PCDH15: variants seen among roughly 807,000 people sequenced by gnomAD.
PCDH15 encodes the protein protocadherin related 15.
A neutral mutation model predicts 178.5 loss-of-function variants in PCDH15; 129 were observed. That is an observed-to-expected ratio of 0.72 (90% confidence interval 0.63 to 0.84). PCDH15 has a LOEUF of 0.84. Ranked by LOEUF, PCDH15 falls within the 40% of genes least tolerant of loss-of-function variation. The pLI, the probability that PCDH15 is intolerant of heterozygous loss-of-function variation, is 0.00. For missense variants in PCDH15, 2,230 were observed against 2,099.9 expected (o/e 1.06, Z -1.21); for synonymous variants, 800 against 732.0 (o/e 1.09, Z -1.50).
intron 28 of PCDH15, among the ~76,000 whole-genome samples, chr10:53,854,465 C>T (rs548930241): frequency 3.3e-5 from 5 of 152,014 alleles, no homozygotes; most frequent in African/African-American, 7.2e-5. Context: ...TTAATAAACT[C>T]GCAGATTTAT....
At chr10:54,736,501 C>T (rs1944142076) in intron 1 of PCDH15, among the ~76,000 whole-genome samples, 1 of 148,242 alleles carries the variant, frequency 6.7e-6, no homozygotes, top group South Asian at 2.1e-4. Flanking sequence ...TGTTGTTGTA[C>T]TTATCTTCTT....
chr10:55,607,058 A>G (rs1481380932), intron 2 of PCDH15, among the ~76,000 whole-genome samples: 2 of 152,144 alleles, frequency 1.3e-5, no homozygotes, highest in Admixed American at 1.3e-4. Flanking sequence ...CAAGAAAAAA[A>G]CAAACAACCC....
At chr10:54,266,757 T>C (rs1030213732) in intron 8 of PCDH15, among the ~76,000 whole-genome samples, 18 of 151,696 alleles carry the variant, frequency 1.2e-4, no homozygotes, top group African/African-American at 4.4e-4. Flanking sequence ...CAGGAAGAAC[T>C]TGAAACACTG....
intron 2 of PCDH15, among the ~76,000 whole-genome samples, chr10:55,450,501 C>T (rs536289935): frequency 6.0e-4 from 92 of 152,240 alleles, no homozygotes; most frequent in African/African-American, 2.0e-3. Context: ...GAGCCCTCTC[C>T]GGCATTTACC....
chr10:55,521,425 ATTTT>A (rs557290148), intron 2 of PCDH15, among the ~76,000 whole-genome samples: 1 of 151,428 alleles, frequency 6.6e-6, no homozygotes, highest in Non-Finnish European at 1.5e-5. Flanking sequence ...TCACATTACG[ATTTT>A]TTTTTGTTTT....
At chr10:54,737,453 G>C (rs1023664869) in intron 1 of PCDH15, among the ~76,000 whole-genome samples, 12 of 152,074 alleles carry the variant, frequency 7.9e-5, no homozygotes, top group African/African-American at 2.9e-4. Context: ...TCACAATATA[G>C]GTGAGCAATC....
At chr10:55,038,665 G>A (rs574003906) in intron 2 of PCDH15, among the ~76,000 whole-genome samples, 109 of 152,310 alleles carry the variant, frequency 7.2e-4, no homozygotes, top group African/African-American at 2.4e-3. Flanking sequence ...GCAGTTGTGG[G>A]ACGGGGACTC....
intron 2 of PCDH15, among the ~76,000 whole-genome samples, chr10:55,439,242 A>G (rs1215429247): frequency 6.6e-6 from 1 of 152,182 alleles, no homozygotes. Flanking sequence ...AAAATGAGAC[A>G]TGAGTCAGAA....
At chr10:53,813,202 G>A (rs1311520636) in intron 35 of PCDH15, among the ~76,000 whole-genome samples, 3 of 152,000 alleles carry the variant, frequency 2.0e-5, no homozygotes, top group Non-Finnish European at 2.9e-5. Flanking sequence ...TATCCCCAAC[G>A]ACACTTTTCT....
In PCDH15 at chr10:54,774,311, A is replaced by T. The variant is rs577921314; in HGVS notation, c.-29+26614T>A. On this transcript the variant is annotated intron_variant, in intron 1 of 37. Transcript: ENST00000644397. The stretch of plus-strand genomic sequence containing the variant: ...CCAAAGTGCTGCGATTACAGGCTTG[A>T]GCCACTGCGCCCAGCCACTTCATAG... Among the ~76,000 whole-genome samples the T allele has an allele frequency of 8.0e-4, 121 of 152,170 alleles. 2 individuals are homozygous for T. The highest frequency in any genetic ancestry group is 2.9e-3 in the African/African-American group (120 of 41,544).
At chr10:54,402,281 G>A (rs1201166735) in intron 3 of PCDH15, among the ~76,000 whole-genome samples, 1 of 151,890 alleles carries the variant, frequency 6.6e-6, no homozygotes, top group Non-Finnish European at 1.5e-5. Flanking sequence ...AATTAAAGCT[G>A]ACGGGAAGAA....
chr10:55,478,786 C>G (rs567624485), intron 2 of PCDH15, among the ~76,000 whole-genome samples: 1 of 150,134 alleles, frequency 6.7e-6, no homozygotes, highest in Non-Finnish European at 1.5e-5. Context: ...TAAATTCAGG[C>G]GCGAAAAAGG....
intron 1 of PCDH15, among the ~76,000 whole-genome samples, chr10:55,180,317 A>G (rs1379134186): frequency 6.6e-6 from 1 of 152,160 alleles, no homozygotes; most frequent in Non-Finnish European, 1.5e-5. Flanking sequence ...AGGTCACAAA[A>G]TGACTTCTTA....
chr10:54,074,371 A>G (rs1011950144), intron 17 of PCDH15, among the ~76,000 whole-genome samples: 1 of 152,302 alleles, frequency 6.6e-6, no homozygotes, highest in Middle Eastern at 3.4e-3. Flanking sequence ...TCCTCTGGCA[A>G]CCATCATTCT....
At chr10:55,320,097 C>T (rs1392660733), upstream of PCDH15, among the ~76,000 whole-genome samples, 1 of 152,164 alleles carries the variant, frequency 6.6e-6, no homozygotes, top group Non-Finnish European at 1.5e-5. Context: ...CTCCTCTGTG[C>T]TGCTTTGCCA....
Position 53,825,185 on chromosome 10 carries a change from AAAG to A in PCDH15, c.4367+2205_4367+2207del, listed in dbSNP as rs1186584339. 13 of 1,517,634 alleles carry A rather than the reference AAAG, an allele frequency of 8.6e-6. No individual in the cohort carries two copies. In the East Asian group the frequency reaches 1.2e-4, roughly 14 times the overall value. The allele number at this position is 1,517,634 out of a possible 1,614,324, so 94.0% of individuals were successfully genotyped here. A position where few individuals can be genotyped will look rare whatever the true frequency, so the allele number is the denominator to read the frequency against. On this transcript the variant is annotated intron_variant, in intron 32 of 37. Coordinates refer to ENST00000644397, the MANE Select transcript of PCDH15 (RefSeq NM_001384140.1). Reference sequence around the variant, plus strand: ...GAAACAGAAAACATGTGATAGAAAAAAAGAAGTTTTTACTAGAGTTAATTTAAA... The same window carrying A: ...GAAACAGAAAACATGTGATAGAAAAAAAGTTTTTACTAGAGTTAATTTAAA...
At chr10:54,196,670 C>A (rs1440962667) in intron 10 of PCDH15, among the ~76,000 whole-genome samples, 3 of 152,298 alleles carry the variant, frequency 2.0e-5, no homozygotes, top group Admixed American at 1.3e-4. Context: ...TTGTACCCCC[C>A]AAATTCGTAA....
In PCDH15 at chr10:54,020,255, T is replaced by TA; in HGVS notation, c.2687dup (p.Glu897ArgfsTer4). The TA allele has an allele frequency of 5.0e-6, 8 of 1,613,780 alleles. No homozygotes were observed. Among genetic ancestry groups the TA allele is most frequent in the Non-Finnish European group, 6.8e-6 (8 of 1,179,776 alleles). Reference sequence around the variant, plus strand: ...TTGTTCCATAAATATCAAAGGCCTCTACCAGAAAAGTGATACTTGCTTCTT... The same window carrying TA: ...TTGTTCCATAAATATCAAAGGCCTCTAACCAGAAAAGTGATACTTGCTTCTT... On this transcript the variant is annotated frameshift_variant, in exon 20 of 38. Transcript: ENST00000644397. LOFTEE classifies it high-confidence loss of function.
chr10:54,077,132 A>T (rs2094355538), intron 17 of PCDH15, among the ~76,000 whole-genome samples: 1 of 152,118 alleles, frequency 6.6e-6, no homozygotes, highest in South Asian at 2.1e-4. Flanking sequence ...TTTTGTTTGA[A>T]ATCTAAATGC....
Sources: allele counts gnomAD v4.1 joint callset (sites outside exome capture counted in the v4.1 genomes callset), GRCh38; gene constraint gnomAD v4.1.1; transcripts MANE v1.5; gene names NCBI Gene and HGNC (gene_info 2026-07-23, HGNC 2026-07-21).